LTBP1: variants seen among roughly 807,000 people sequenced by gnomAD.
LTBP1 encodes the protein latent-transforming growth factor beta-binding protein 1.
A neutral mutation model predicts 207.6 loss-of-function variants in LTBP1; 129 were observed. That is an observed-to-expected ratio of 0.62 (90% CI 0.54 to 0.72). LTBP1 has a LOEUF of 0.72. Ranked by LOEUF, LTBP1 falls within the 30% of genes least tolerant of loss-of-function variation. LTBP1 has a pLI of 0.00. For missense variants in LTBP1, 2,281 were observed against 2,217.2 expected (o/e 1.03, Z -0.58); for synonymous variants, 963 against 833.7 (o/e 1.16, Z -2.67).
chr2:33,288,276 G>A (rs1292140111), intron 19 of LTBP1, among the ~76,000 whole-genome samples: 4 of 152,212 alleles, frequency 2.6e-5, no homozygotes, highest in East Asian at 1.9e-4. Flanking sequence ...CACAGGCTGG[G>A]GAGAACATGA....
chr2:33,274,901 A>G, intron 16 of LTBP1, 64 bp from the exon 17 acceptor site: 1 of 1,534,226 alleles, frequency 6.5e-7, no homozygotes, highest in South Asian at 1.1e-5. Context: ...GGTATTTTAC[A>G]GAACAGGGAA....
chr2:33,244,494 G>A (rs1009302219), intron 10 of LTBP1, among the ~76,000 whole-genome samples: 12 of 152,176 alleles, frequency 7.9e-5, no homozygotes, highest in Admixed American at 4.6e-4. Flanking sequence ...CTCCCTCTCC[G>A]TGTAAATTAA....
intron 3 of LTBP1, among the ~76,000 whole-genome samples, chr2:33,033,480 G>C (rs960505471): frequency 2.0e-5 from 3 of 152,134 alleles, no homozygotes; most frequent in East Asian, 3.9e-4. Context: ...ACTTCTAGGT[G>C]TTCTCAGGTG....
chr2:32,992,483 T>C (rs931229534), intron 2 of LTBP1, among the ~76,000 whole-genome samples: 1 of 152,202 alleles, frequency 6.6e-6, no homozygotes, highest in Non-Finnish European at 1.5e-5. Context: ...GCATGTAGGA[T>C]GCTTGCAGAG....
chr2:33,216,555 G>C (rs190306007), intron 7 of LTBP1, among the ~76,000 whole-genome samples: 9 of 152,300 alleles, frequency 5.9e-5, no homozygotes, highest in African/African-American at 2.2e-4. Context: ...AATGTGACCA[G>C]ATTTGTCTTT....
At chr2:33,393,694 A>T (rs2095335965) in intron 32 of LTBP1, among the ~76,000 whole-genome samples, 2 of 152,108 alleles carry the variant, frequency 1.3e-5, no homozygotes, top group Non-Finnish European at 1.5e-5. Flanking sequence ...TCTATTATTG[A>T]TGGACATTTG....
intron 2 of LTBP1, among the ~76,000 whole-genome samples, chr2:32,953,700 T>C (rs548342225): frequency 6.6e-6 from 1 of 152,230 alleles, no homozygotes; most frequent in Non-Finnish European, 1.5e-5. Flanking sequence ...AAGTTTTTGC[T>C]GCCCAGTGAA....
chr2:33,084,269 A>T (rs1301034228), intron 3 of LTBP1, among the ~76,000 whole-genome samples: 2 of 152,064 alleles, frequency 1.3e-5, no homozygotes, highest in Non-Finnish European at 2.9e-5. Flanking sequence ...TTGCTTTTAA[A>T]TTTTCAGCTG....
chr2:33,163,139 G>A (rs2084606419), intron 5 of LTBP1, among the ~76,000 whole-genome samples: 2 of 152,092 alleles, frequency 1.3e-5, no homozygotes, highest in African/African-American at 4.8e-5. Flanking sequence ...ATGCCACCAC[G>A]CCTGGCTAAT....
At chr2:33,275,467 C>T (rs1029481618) in intron 17 of LTBP1, among the ~76,000 whole-genome samples, 31 of 152,106 alleles carry the variant, frequency 2.0e-4, no homozygotes, top group African/African-American at 6.5e-4. Context: ...GGCGGATCAC[C>T]TGAGGTCGGG....
chr2:33,147,160 A>G (rs1460345831), intron 5 of LTBP1, among the ~76,000 whole-genome samples: 1 of 152,220 alleles, frequency 6.6e-6, no homozygotes, highest in Non-Finnish European at 1.5e-5. Context: ...CTCAAAAGGT[A>G]CAGATGCCCA....
At chr2:33,294,924 T>G (rs2093846773) in intron 20 of LTBP1, among the ~76,000 whole-genome samples, 1 of 151,934 alleles carries the variant, frequency 6.6e-6, no homozygotes, top group African/African-American at 2.4e-5. Flanking sequence ...TTAATTGGCA[T>G]GTAATAATTG....
intron 31 of LTBP1, among the ~76,000 whole-genome samples, chr2:33,388,674 T>C (rs1433172177): frequency 1.3e-5 from 2 of 152,222 alleles, no homozygotes; most frequent in African/African-American, 4.8e-5. Context: ...ATAGAGACTG[T>C]AGAGTTATAA....
At chr2:33,026,049 G>T (rs1329904549) in intron 3 of LTBP1, among the ~76,000 whole-genome samples, 1 of 151,968 alleles carries the variant, frequency 6.6e-6, no homozygotes, top group Non-Finnish European at 1.5e-5. Flanking sequence ...TTTATTTGTA[G>T]TAAAGGAAAA....
intron 7 of LTBP1, among the ~76,000 whole-genome samples, chr2:33,202,030 C>CACAG (rs796704534): frequency 2.9e-4 from 39 of 135,704 alleles, no homozygotes; most frequent in African/African-American, 9.5e-4. Flanking sequence ...GGAACACACA[C>CACAG]ACACACACAC....
intron 2 of LTBP1, among the ~76,000 whole-genome samples, chr2:32,964,089 C>G (rs1679568935): frequency 6.6e-6 from 1 of 152,294 alleles, no homozygotes; most frequent in South Asian, 2.1e-4. Flanking sequence ...GCGTCAAGAT[C>G]AAGAAGCTCA....
chr2:32,996,518 G>A (rs538622254), intron 2 of LTBP1, among the ~76,000 whole-genome samples: 27 of 152,258 alleles, frequency 1.8e-4, no homozygotes, highest in African/African-American at 6.5e-4. Flanking sequence ...CGCCTACTGT[G>A]TACTCAGAGC....
intron 2 of LTBP1, among the ~76,000 whole-genome samples, chr2:32,967,910 AG>A (rs1271926271): frequency 6.6e-6 from 1 of 152,216 alleles, no homozygotes; most frequent in Non-Finnish European, 1.5e-5. Flanking sequence ...TTTGTGATAA[AG>A]GAGTATTGAA....
In LTBP1 at chr2:33,347,446, G is replaced by A. The variant is rs1299684017; in HGVS notation, c.3936G>A (p.Val1312=). 1.2e-6 allele frequency: 2 copies of A among 1,614,232 alleles called. No individual in the cohort carries two copies. The highest frequency in any genetic ancestry group is 1.7e-5 in the Admixed American group (1 of 60,036). Residue 1312 remains valine, a synonymous_variant, in exon 26 of 34, where the codon GTG becomes GTA. Coordinates refer to ENST00000404816, the MANE Select transcript of LTBP1 (RefSeq NM_206943.4). ...CENVEGSFLC[V]CADENQEYSP... ...ACGTGGAAGGGTCCTTCCTGTGCGT[G>A]TGTGCTGATGAAAACCAAGAGTACA... is the stretch of plus-strand genomic sequence containing the variant.
Sources: allele counts gnomAD v4.1 joint callset (sites outside exome capture counted in the v4.1 genomes callset), GRCh38; gene constraint gnomAD v4.1.1; transcripts MANE v1.5; gene names NCBI Gene and HGNC (gene_info 2026-07-23, HGNC 2026-07-21).